The following SORCS3 variants were observed in gnomAD, a reference collection of about 807,000 sequenced individuals.
SORCS3 encodes VPS10 domain-containing receptor SorCS3.
Under a neutral mutation model 146.3 loss-of-function variants are expected in SORCS3, and 57 were observed. The observed-to-expected ratio is 0.39, with a 90% CI of 0.31 to 0.49. SORCS3 has a LOEUF of 0.49. Ranked by LOEUF, SORCS3 falls within the 20% of genes least tolerant of loss-of-function variation. The pLI is 0.92. For missense variants in SORCS3, 1,341 were observed against 1,575.5 expected (o/e 0.85, Z 2.52); for synonymous variants, 653 against 618.5 (o/e 1.06, Z -0.83).
intron 1 of SORCS3, among the ~76,000 whole-genome samples, chr10:104,812,673 C>T (rs1364297058): frequency 6.6e-6 from 1 of 152,150 alleles, no homozygotes; most frequent in Non-Finnish European, 1.5e-5. Flanking sequence ...CCAGGTTTTA[C>T]TCTTAAGGGC....
rs531171739 is a variant in SORCS3, at chr10:104,935,404, TG to T, written c.795+19473del. Among the ~76,000 whole-genome samples, 421 of 152,300 alleles carry T rather than the reference TG, an allele frequency of 2.8e-3. 3 individuals carry two copies. Among genetic ancestry groups the T allele is most frequent in the African/African-American group, 9.2e-3 (384 of 41,576 alleles). On this transcript the variant is annotated intron_variant, in intron 3 of 26. Coordinates refer to ENST00000369701, the MANE Select transcript of SORCS3 (RefSeq NM_014978.3). ...CTGGAGGAGCTTTAAAACATACCCATGCTCAGGCCTCAGCCAAGGAGATGTT... is the reference window on the plus strand; with the variant it reads ...CTGGAGGAGCTTTAAAACATACCCATCTCAGGCCTCAGCCAAGGAGATGTT...
intron 1 of SORCS3, among the ~76,000 whole-genome samples, chr10:104,770,122 A>G (rs751425239): frequency 1.3e-5 from 2 of 152,328 alleles, no homozygotes; most frequent in Middle Eastern, 3.4e-3. Flanking sequence ...AAGGACTCCA[A>G]TTCGGCAGGC....
intron 3 of SORCS3, among the ~76,000 whole-genome samples, chr10:104,957,024 G>A (rs1004704300): frequency 6.6e-6 from 1 of 152,082 alleles, no homozygotes; most frequent in Non-Finnish European, 1.5e-5. Flanking sequence ...ATTATCTCTT[G>A]TCCACCTTCT....
At chr10:104,669,302 G>C (rs566259850) in intron 1 of SORCS3, among the ~76,000 whole-genome samples, 7 of 152,292 alleles carry the variant, frequency 4.6e-5, no homozygotes, top group Admixed American at 1.3e-4. Flanking sequence ...GTAGCATTAA[G>C]TACATTCATA....
intron 6 of SORCS3, among the ~76,000 whole-genome samples, chr10:105,096,533 C>G (rs971082071): frequency 5.9e-5 from 9 of 152,114 alleles, no homozygotes; most frequent in African/African-American, 2.2e-4. Context: ...ACACATTATG[C>G]TAAAGGCCAC....
At position 104,736,127 on chromosome 10, in the gene SORCS3, C is replaced by T. The variant is rs149201615; in HGVS notation, c.627+94173C>T. 8.5e-5 allele frequency among the ~76,000 whole-genome samples: 13 copies of T among 152,312 alleles called. No homozygotes were observed. The East Asian group carries it at 2.5e-3, about 29-fold the overall frequency. The stretch of plus-strand genomic sequence containing the variant: ...GTTATGAAACAAACCAGCCAGCCTT[C>T]TTAATTGTCCTCCTGCGACTGGACT... On this transcript the variant is annotated intron_variant, in intron 1 of 26. Transcript: ENST00000369701.
intron 6 of SORCS3, among the ~76,000 whole-genome samples, chr10:105,093,995 T>C (rs2055728496): frequency 6.6e-6 from 1 of 152,166 alleles, no homozygotes; most frequent in African/African-American, 2.4e-5. Flanking sequence ...TTTGAATGAG[T>C]GAATGTATTA....
intron 9 of SORCS3, among the ~76,000 whole-genome samples, chr10:105,154,775 G>A (rs982384650): frequency 2.0e-5 from 3 of 152,134 alleles, no homozygotes; most frequent in Admixed American, 2.0e-4. Context: ...ACACATACAT[G>A]CATATATGGG....
chr10:104,841,120 C>T (rs1325319097), intron 1 of SORCS3, among the ~76,000 whole-genome samples: 2 of 152,098 alleles, frequency 1.3e-5, no homozygotes, highest in South Asian at 4.1e-4. Flanking sequence ...TGGCAACTTG[C>T]TAGACACTTG....
At chr10:104,642,934 G>C (rs539185071) in intron 1 of SORCS3, among the ~76,000 whole-genome samples, 24 of 152,296 alleles carry the variant, frequency 1.6e-4, no homozygotes, top group African/African-American at 5.8e-4. Context: ...AGCTGCAGCG[G>C]CCCGCAGCGC....
At chr10:104,866,050 C>T (rs1265808326) in intron 2 of SORCS3, among the ~76,000 whole-genome samples, 1 of 152,116 alleles carries the variant, frequency 6.6e-6, no homozygotes, top group African/African-American at 2.4e-5. Flanking sequence ...GCACATAGAA[C>T]AGAGCTGAAA....
At chr10:104,802,712 A>T (rs527944635) in intron 1 of SORCS3, among the ~76,000 whole-genome samples, 1 of 152,354 alleles carries the variant, frequency 6.6e-6, no homozygotes, top group South Asian at 2.1e-4. Flanking sequence ...GCTATGGACA[A>T]CTTTTGGACA....
At chr10:104,757,079 T>G (rs1368854896) in intron 1 of SORCS3, among the ~76,000 whole-genome samples, 3 of 150,190 alleles carry the variant, frequency 2.0e-5, no homozygotes, top group Non-Finnish European at 3.0e-5. Flanking sequence ...TTTTTTTTTT[T>G]TTTTTTTTTT....
At chr10:104,937,695 C>T (rs947780078) in intron 3 of SORCS3, among the ~76,000 whole-genome samples, 1 of 152,170 alleles carries the variant, frequency 6.6e-6, no homozygotes, top group Non-Finnish European at 1.5e-5. Context: ...TGCCTCATTC[C>T]CCATGGCTGA....
At chr10:104,929,812 C>G (rs2019188991) in intron 3 of SORCS3, among the ~76,000 whole-genome samples, 1 of 152,224 alleles carries the variant, frequency 6.6e-6, no homozygotes, top group Non-Finnish European at 1.5e-5. Flanking sequence ...GGCATGACTG[C>G]TAAGGGAATT....
At chr10:105,010,616 C>G (rs1056949868) in intron 4 of SORCS3, among the ~76,000 whole-genome samples, 1 of 152,194 alleles carries the variant, frequency 6.6e-6, no homozygotes, top group Non-Finnish European at 1.5e-5. Context: ...AGAGATTGCA[C>G]TGTAATAGCA....
chr10:104,916,479 C>A (rs1421672805), intron 3 of SORCS3, among the ~76,000 whole-genome samples: 3 of 152,192 alleles, frequency 2.0e-5, no homozygotes, highest in Non-Finnish European at 4.4e-5. Context: ...GCAGACCAGA[C>A]TCCTCTGGCA....
At chr10:104,856,066 G>C (rs1424104285) in intron 2 of SORCS3, among the ~76,000 whole-genome samples, 5 of 152,100 alleles carry the variant, frequency 3.3e-5, no homozygotes, top group Admixed American at 3.3e-4. Flanking sequence ...TGTGAACTCA[G>C]CACGGTGCTA....
chr10:105,047,053 T>G (rs11192298), intron 5 of SORCS3, among the ~76,000 whole-genome samples: 8,970 of 152,154 alleles, frequency 0.059, 777 homozygotes, highest in African/African-American at 0.19. Context: ...TTTAAAAAAA[T>G]ATATCCTACT....
Sources: allele counts gnomAD v4.1 joint callset (sites outside exome capture counted in the v4.1 genomes callset), GRCh38; gene constraint gnomAD v4.1.1; transcripts MANE v1.5; gene names NCBI Gene and HGNC (gene_info 2026-07-23, HGNC 2026-07-21).